The following GTF2IRD1 variants were observed in gnomAD, a reference collection of about 807,000 sequenced individuals.
GTF2IRD1 encodes GTF2I repeat domain containing 1.
A neutral mutation model predicts 113.2 loss-of-function variants in GTF2IRD1; 26 were observed. The ratio of observed to expected loss-of-function variants is 0.23; its 90% confidence interval spans 0.17 to 0.32. The LOEUF (loss-of-function observed/expected upper bound fraction) is 0.32, where lower values mean the gene tolerates loss of function less well. GTF2IRD1 is among the 10% of genes least tolerant of loss of function. The pLI is 1.00. For missense variants in GTF2IRD1, 864 were observed against 1,280.8 expected, an observed-to-expected ratio of 0.67 and a Z score of 4.97; for synonymous variants, 484 against 529.1, an observed-to-expected ratio of 0.91 and a Z score of 1.17.
intron 14 of GTF2IRD1, among the ~76,000 whole-genome samples, chr7:74,540,490 A>C (rs1250664432): frequency 6.6e-6 from 1 of 151,748 alleles, no homozygotes; most frequent in Non-Finnish European, 1.5e-5. Flanking sequence ...CCCAGGAGCC[A>C]CCTGTTGGAA....
At chr7:74,471,672 T>TAAAAA (rs66929736) in intron 1 of GTF2IRD1, among the ~76,000 whole-genome samples, 2 of 104,682 alleles carry the variant, frequency 1.9e-5, no homozygotes, top group Admixed American at 1.0e-4. Context: ...TTGAAATATT[T>TAAAAA]AAAAAAAAAA....
At chr7:74,458,542 T>C (rs1418577376) in intron 1 of GTF2IRD1, among the ~76,000 whole-genome samples, 1 of 152,102 alleles carries the variant, frequency 6.6e-6, no homozygotes, top group Non-Finnish European at 1.5e-5. Flanking sequence ...TTGGAAGTTC[T>C]CAGTCAGGTA....
At chr7:74,551,114 G>T (rs1244487634) in intron 17 of GTF2IRD1, among the ~76,000 whole-genome samples, 1 of 152,214 alleles carries the variant, frequency 6.6e-6, no homozygotes, top group Non-Finnish European at 1.5e-5. Flanking sequence ...GGCCAAGGCA[G>T]ATGGATCACT....
At chr7:74,573,644 T>TG (rs1337791602) in intron 22 of GTF2IRD1, among the ~76,000 whole-genome samples, 1 of 152,194 alleles carries the variant, frequency 6.6e-6, no homozygotes, top group South Asian at 2.1e-4. Context: ...TGCGTGTGTC[T>TG]GAGCCATAGA....
intron 1 of GTF2IRD1, among the ~76,000 whole-genome samples, chr7:74,466,182 G>A (rs983803504): frequency 2.6e-5 from 4 of 152,202 alleles, no homozygotes; most frequent in South Asian, 2.1e-4. Context: ...CAGCCATCCC[G>A]CTTGTTAGAG....
rs782125268 is a variant in GTF2IRD1, at chr7:74,518,248, G to A, written c.531G>A (p.Arg177=). ...TGCCCGAAGGCCTGGCCTTCCGAAG[G>A]CCAGCCGAGTATGACCCCAAGGCCC... The part of the protein sequence containing the change: ...QGLPEGLAFR[R]PAEYDPKALM... The change falls in exon 5 of 27, where the codon AGG becomes AGA. Residue 177 remains arginine, a synonymous_variant. Coordinates refer to ENST00000424337, the MANE Select transcript of GTF2IRD1 (RefSeq NM_005685.4). The A allele has an allele frequency of 9.3e-6, 15 of 1,611,972 alleles. No homozygotes were observed. In the African/African-American group the frequency reaches 1.7e-4, roughly 19 times the overall value.
chr7:74,499,414 A>G (rs2129809699), intron 1 of GTF2IRD1, among the ~76,000 whole-genome samples: 1 of 149,456 alleles, frequency 6.7e-6, no homozygotes, highest in South Asian at 2.3e-4. Context: ...GAAGGAAGGA[A>G]GGAAGGAAGA....
chr7:74,458,844 G>A (rs1177959509), intron 1 of GTF2IRD1, among the ~76,000 whole-genome samples: 5 of 135,946 alleles, frequency 3.7e-5, no homozygotes, highest in East Asian at 2.2e-4. Flanking sequence ...TAGTAGAGAC[G>A]GGGTTTCACC....
intron 22 of GTF2IRD1, among the ~76,000 whole-genome samples, chr7:74,569,477 G>C (rs1344217450): frequency 6.6e-6 from 1 of 152,200 alleles, no homozygotes; most frequent in Non-Finnish European, 1.5e-5. Flanking sequence ...CAGTGAGGGG[G>C]GGATGGAGAA....
intron 17 of GTF2IRD1, among the ~76,000 whole-genome samples, chr7:74,552,259 T>C (rs1799354607): frequency 6.6e-6 from 1 of 152,166 alleles, no homozygotes; most frequent in South Asian, 2.1e-4. Flanking sequence ...GGCTCACGCC[T>C]GTAATCCCAG....
chr7:74,601,303 G>A lies in GTF2IRD1; in HGVS notation c.2766+123G>A, dbSNP rs782619165. The A allele has an allele frequency of 1.3e-5, 20 of 1,544,942 alleles. No homozygotes were observed. In the East Asian group the frequency reaches 3.9e-4, roughly 30 times the overall value. ...GGGGAGGCACTGGGCTTTGAGTGGG[G>A]ACCTTCCGGCCTCGGGGGTTATAGA... On this transcript the variant is annotated intron_variant, in intron 26 of 26. Transcript: ENST00000424337.
intron 25 of GTF2IRD1, among the ~76,000 whole-genome samples, chr7:74,597,434 C>T (rs1554372693): frequency 1.3e-5 from 2 of 151,536 alleles, no homozygotes; most frequent in African/African-American, 4.9e-5. Flanking sequence ...CAACCTCCGC[C>T]TCCTGAGTTC....
Position 74,602,554 on chromosome 7 carries a change from T to C in GTF2IRD1, c.*121T>C. On this transcript the variant is annotated 3_prime_UTR_variant, in exon 27 of 27. Transcript: ENST00000424337. ...TTTTTCCAATGATTTTTACACTATA[T>C]TCCTGCCACCAAGGCCTTTTTAAAT... 9.2e-6 allele frequency: 6 copies of C among 653,764 alleles called. No individual in the cohort carries two copies. Among genetic ancestry groups the C allele is most frequent in the Non-Finnish European group, 1.5e-5 (6 of 405,234 alleles). The allele number at this position is 653,764 out of a possible 1,614,324, so 40.5% of individuals were successfully genotyped here.
chr7:74,453,998 C>T lies in GTF2IRD1; in HGVS notation c.-185C>T, dbSNP rs1271666448. 5 of 148,732 alleles carry T rather than the reference C, an allele frequency of 3.4e-5. No individual in the cohort carries two copies. The highest frequency in any genetic ancestry group is 1.2e-4 in the African/African-American group (5 of 40,666). 9.2% of individuals were successfully genotyped at this position (148,732 alleles called of 1,614,324 possible). On this transcript the variant is annotated 5_prime_UTR_variant, in exon 1 of 27. Coordinates refer to ENST00000424337, the MANE Select transcript of GTF2IRD1 (RefSeq NM_005685.4). ...AGCCCCCCGGCCGGCCGATTCCCCC[C>T]CCGCGCCCCCTCCCCGCGCCTCCCT...
intron 22 of GTF2IRD1, among the ~76,000 whole-genome samples, chr7:74,588,106 CT>C (rs781908698): frequency 1.2e-3 from 164 of 134,996 alleles, no homozygotes; most frequent in African/African-American, 2.0e-3. Context: ...CTTTTCTTTT[CT>C]TTTTTTTTTT....
intron 24 of GTF2IRD1, 84 bp from the exon 25 acceptor site, chr7:74,594,930 C>A: frequency 2.2e-6 from 2 of 906,984 alleles, no homozygotes; most frequent in Non-Finnish European, 3.5e-6. Flanking sequence ...TCAGCCTGGG[C>A]AACCGAGTGA....
intron 22 of GTF2IRD1, among the ~76,000 whole-genome samples, chr7:74,562,523 A>G (rs1800032516): frequency 1.5e-5 from 2 of 134,388 alleles, no homozygotes; most frequent in African/African-American, 5.7e-5. Context: ...GTGCTAGGTT[A>G]GCTGGGAGGA....
rs587629725 is a variant in GTF2IRD1, at chr7:74,575,078, G to A, written c.2321-14773G>A. On this transcript the variant is annotated intron_variant, in intron 22 of 26. Coordinates refer to ENST00000424337, the MANE Select transcript of GTF2IRD1 (RefSeq NM_005685.4). ...GCGCTCCAGCTTGGGCAACAAGAGC[G>A]AAACTCCGTCTCAAAATACAAAAAA... Among the ~76,000 whole-genome samples the A allele has an allele frequency of 1.1e-4, 15 of 140,102 alleles. No individual in the cohort carries two copies. The South Asian group carries it at 1.2e-3, about 11-fold the overall frequency. The allele number at this position is 140,102 out of a possible 152,430, so 91.9% of individuals were successfully genotyped here. A position where few individuals can be genotyped will look rare whatever the true frequency, so the allele number is the denominator to read the frequency against.
chr7:74,586,149 C>T (rs1347882662), intron 22 of GTF2IRD1, among the ~76,000 whole-genome samples: 2 of 152,192 alleles, frequency 1.3e-5, no homozygotes, highest in African/African-American at 4.8e-5. Context: ...GCCATGCCTG[C>T]TGAGAATCCT....
Sources: allele counts gnomAD v4.1 joint callset (sites outside exome capture counted in the v4.1 genomes callset), GRCh38; gene constraint gnomAD v4.1.1; transcripts MANE v1.5; gene names NCBI Gene and HGNC (gene_info 2026-07-23, HGNC 2026-07-21).